The following KIAA0825 variants were observed in gnomAD, a reference collection of about 807,000 sequenced individuals.
KIAA0825 encodes uncharacterized protein KIAA0825.
Under a neutral mutation model 147.6 loss-of-function variants are expected in KIAA0825, and 119 were observed. The observed-to-expected ratio is 0.81, with a 90% confidence interval of 0.69 to 0.94. The LOEUF is 0.94. Among genes scored for constraint, KIAA0825 ranks in the 40% least tolerant of loss-of-function variants. The pLI is 0.00. For missense variants in KIAA0825, 1,381 were observed against 1,472.7 expected, an observed-to-expected ratio of 0.94 and a Z score of 1.02; for synonymous variants, 470 against 518.1, an observed-to-expected ratio of 0.91 and a Z score of 1.26.
intron 2 of KIAA0825, chr5:94,569,337 AAAT>A (rs1317939628): frequency 2.8e-6 from 1 of 359,158 alleles, no homozygotes; most frequent in African/African-American, 2.1e-5. Context: ...CCATAATTTA[AAAT>A]AATGATACAC....
intron 20 of KIAA0825, among the ~76,000 whole-genome samples, chr5:94,289,291 TTTGGGAGG>T (rs1777783887): frequency 1.3e-5 from 2 of 151,970 alleles, no homozygotes; most frequent in Admixed American, 6.6e-5. Flanking sequence ...ATCCCAACAC[TTTGGGAGG>T]CAGAGGTGGG....
chr5:94,511,082 C>T (rs1384106304), intron 5 of KIAA0825, among the ~76,000 whole-genome samples: 1 of 152,112 alleles, frequency 6.6e-6, no homozygotes, highest in Non-Finnish European at 1.5e-5. Flanking sequence ...AAAGAGACCA[C>T]AGAGAACTCC....
chr5:94,241,879 C>T (rs1014632551), intron 20 of KIAA0825, among the ~76,000 whole-genome samples: 1 of 152,134 alleles, frequency 6.6e-6, no homozygotes, highest in Non-Finnish European at 1.5e-5. Context: ...TTTTCATTTG[C>T]TTTGTATATA....
At chr5:94,253,795 G>A (rs1471726071) in intron 20 of KIAA0825, among the ~76,000 whole-genome samples, 2 of 152,108 alleles carry the variant, frequency 1.3e-5, no homozygotes, top group African/African-American at 4.8e-5. Flanking sequence ...CCTCATTAAG[G>A]CTTGCTTCAT....
At chr5:94,218,796 C>G (rs1183631808) in intron 20 of KIAA0825, among the ~76,000 whole-genome samples, 1 of 152,184 alleles carries the variant, frequency 6.6e-6, no homozygotes, top group Non-Finnish European at 1.5e-5. Context: ...TATCTGCTTC[C>G]AGATCTCCAT....
At position 94,515,312 on chromosome 5, in the gene KIAA0825, C is replaced by T. The variant is rs1584745926; in HGVS notation, c.970+4936G>A. Reference sequence around the variant, plus strand: ...AAGAATGGCACTGGTGCTCCTGAAACGTAGATGATATGTGTACAATTGTAT... The same window carrying T: ...AAGAATGGCACTGGTGCTCCTGAAATGTAGATGATATGTGTACAATTGTAT... On this transcript the variant is annotated intron_variant, in intron 5 of 20. Coordinates refer to ENST00000682413, the MANE Select transcript of KIAA0825 (RefSeq NM_001145678.3). 2.0e-5 allele frequency among the ~76,000 whole-genome samples: 3 copies of T among 152,186 alleles called. 1 individual carries two copies. The highest frequency in any genetic ancestry group is 1.3e-4 in the Admixed American group (2 of 15,286).
At chr5:94,515,208 A>T (rs1354354581) in intron 5 of KIAA0825, among the ~76,000 whole-genome samples, 1 of 152,220 alleles carries the variant, frequency 6.6e-6, no homozygotes, top group East Asian at 1.9e-4. Context: ...TTAAATCCAA[A>T]GGAAATACAA....
At chr5:94,495,042 T>A (rs1261529173) in intron 5 of KIAA0825, among the ~76,000 whole-genome samples, 1 of 152,196 alleles carries the variant, frequency 6.6e-6, no homozygotes, top group Non-Finnish European at 1.5e-5. Context: ...ACGTTTTTCC[T>A]CCTCTATAAT....
chr5:94,514,393 C>G (rs760155048), intron 5 of KIAA0825, among the ~76,000 whole-genome samples: 6 of 151,896 alleles, frequency 4.0e-5, no homozygotes, highest in Admixed American at 2.6e-4. Flanking sequence ...GATTTGTACT[C>G]TATTACAGTT....
chr5:94,396,370 C>T lies in KIAA0825; in HGVS notation c.3027G>A (p.Lys1009=), dbSNP rs1369472194. The change falls in exon 17 of 21, where the codon AAG becomes AAA. Residue 1009 remains lysine (K), a synonymous_variant. Coordinates refer to ENST00000682413, the MANE Select transcript of KIAA0825 (RefSeq NM_001145678.3). ...RKMSKKFVEL[K]KAGLLVWNLI... is the part of the protein sequence containing the mutation. ...AGTTCCAGACAAGCAGGCCAGCTTT[C>T]TTCAATTCAACAAATTTTTTTGACA... 2 of 1,550,712 alleles carry T rather than the reference C, an allele frequency of 1.3e-6. No homozygotes were observed. The highest frequency in any genetic ancestry group is 1.7e-6 in the Non-Finnish European group (2 of 1,146,768).
At chr5:94,194,947 A>G (rs575425459) in intron 20 of KIAA0825, among the ~76,000 whole-genome samples, 6 of 152,314 alleles carry the variant, frequency 3.9e-5, no homozygotes, top group Non-Finnish European at 8.8e-5. Flanking sequence ...GGTACTGTCC[A>G]TACATCATTT....
At chr5:94,412,407 T>C (rs901680791) in intron 15 of KIAA0825, among the ~76,000 whole-genome samples, 3 of 152,184 alleles carry the variant, frequency 2.0e-5, no homozygotes, top group Admixed American at 6.5e-5. Flanking sequence ...AGTTTCTTTT[T>C]TTCTTTCTTT....
chr5:94,325,384 A>G (rs1780588001), intron 20 of KIAA0825, among the ~76,000 whole-genome samples: 1 of 151,982 alleles, frequency 6.6e-6, no homozygotes, highest in Non-Finnish European at 1.5e-5. Context: ...AATTATGGCT[A>G]GAAAACACAA....
At chr5:94,248,620 A>G (rs1775761037) in intron 20 of KIAA0825, among the ~76,000 whole-genome samples, 3 of 152,108 alleles carry the variant, frequency 2.0e-5, no homozygotes, top group Admixed American at 2.0e-4. Context: ...ATGTCAGTCC[A>G]TAGACCCCAT....
intron 20 of KIAA0825, among the ~76,000 whole-genome samples, chr5:94,275,047 G>A (rs1443709573): frequency 3.9e-5 from 6 of 152,102 alleles, no homozygotes; most frequent in East Asian, 3.9e-4. Context: ...AAAACATGAC[G>A]CTAGACTGCC....
intron 13 of KIAA0825, among the ~76,000 whole-genome samples, chr5:94,442,729 C>T (rs139646980): frequency 1.9e-3 from 292 of 152,196 alleles, no homozygotes; most frequent in African/African-American, 6.7e-3. Context: ...TGAACATTTC[C>T]TACCTATATA....
chr5:94,243,756 TCCTC>T (rs1175727997), intron 20 of KIAA0825, among the ~76,000 whole-genome samples: 1 of 152,016 alleles, frequency 6.6e-6, no homozygotes, highest in Non-Finnish European at 1.5e-5. Context: ...TCTAGGAACA[TCCTC>T]CCTGTTTACA....
intron 12 of KIAA0825, among the ~76,000 whole-genome samples, chr5:94,460,925 C>T (rs1229341039): frequency 6.6e-6 from 1 of 151,876 alleles, no homozygotes; most frequent in East Asian, 1.9e-4. Flanking sequence ...TTTGTTCATG[C>T]TTCAAAGCAA....
intron 20 of KIAA0825, among the ~76,000 whole-genome samples, chr5:94,181,611 C>G (rs1468585052): frequency 6.6e-6 from 1 of 152,040 alleles, no homozygotes; most frequent in African/African-American, 2.4e-5. Flanking sequence ...TAAATAATTG[C>G]TTTATTAACG....
Sources: gnomAD v4.1 joint callset for allele counts (sites outside exome capture counted in the v4.1 genomes callset) on GRCh38, gnomAD v4.1.1 for gene constraint, MANE v1.5 for transcripts, NCBI Gene and HGNC (gene_info 2026-07-23, HGNC 2026-07-21) for gene names.